Variants in DACH1 observed in about 807,000 individuals in gnomAD.
DACH1 encodes dachshund homolog 1.
DACH1 carries 12 observed loss-of-function variants against 54.2 expected under a neutral mutation model. The ratio of observed to expected loss-of-function variants is 0.22; its 90% CI spans 0.14 to 0.36. DACH1 has a LOEUF of 0.36. Among genes scored for constraint, DACH1 ranks in the 10% least tolerant of loss-of-function variants. The pLI, the probability that DACH1 is intolerant of heterozygous loss-of-function variation, is 1.00. For synonymous variants in DACH1, 386 were observed against 366.2 expected, an observed-to-expected ratio of 1.05 and a Z score of -0.62; for missense variants, 805 against 929.8, an observed-to-expected ratio of 0.87 and a Z score of 1.75.
intron 1 of DACH1, among the ~76,000 whole-genome samples, chr13:71,791,769 G>T (rs949564250): frequency 9.2e-5 from 14 of 152,148 alleles, no homozygotes; most frequent in African/African-American, 3.4e-4. Context: ...GGGCAATAAA[G>T]TTTCATCAAA....
intron 2 of DACH1, among the ~76,000 whole-genome samples, chr13:71,667,280 A>G (rs2138667697): frequency 6.6e-6 from 1 of 152,312 alleles, no homozygotes; most frequent in East Asian, 1.9e-4. Flanking sequence ...ATTAATGCAT[A>G]GAAACTCCAG....
intron 1 of DACH1, among the ~76,000 whole-genome samples, chr13:71,736,241 G>A (rs1245292837): frequency 3.3e-5 from 5 of 152,082 alleles, no homozygotes; most frequent in African/African-American, 1.2e-4. Context: ...ATATAGTCTA[G>A]GCTGTTTGTG....
intron 1 of DACH1, among the ~76,000 whole-genome samples, chr13:71,729,950 C>T (rs985602337): frequency 2.6e-5 from 4 of 151,916 alleles, no homozygotes; most frequent in African/African-American, 7.2e-5. Context: ...ACATTTATTG[C>T]GGCTCCACTC....
intron 2 of DACH1, among the ~76,000 whole-genome samples, chr13:71,678,204 C>T (rs1880684439): frequency 6.6e-6 from 1 of 151,990 alleles, no homozygotes; most frequent in South Asian, 2.1e-4. Context: ...AGTCATATTC[C>T]CCAAATACAC....
At chr13:71,676,383 A>G (rs1357109134) in intron 2 of DACH1, among the ~76,000 whole-genome samples, 1 of 152,062 alleles carries the variant, frequency 6.6e-6, no homozygotes, top group Non-Finnish European at 1.5e-5. Context: ...ATGCCCAGCT[A>G]ATTTTTGTAT....
At chr13:71,856,390 T>C (rs913315234) in intron 1 of DACH1, among the ~76,000 whole-genome samples, 1 of 151,962 alleles carries the variant, frequency 6.6e-6, no homozygotes, top group Non-Finnish European at 1.5e-5. Context: ...ACAGCAGACA[T>C]ATATTCATCT....
At chr13:71,628,353 T>C (rs1427839429) in intron 3 of DACH1, among the ~76,000 whole-genome samples, 1 of 152,048 alleles carries the variant, frequency 6.6e-6, no homozygotes, top group Non-Finnish European at 1.5e-5. Context: ...ATATTATAAA[T>C]TGGAAATTCT....
chr13:71,546,096 AAAGT>A, intron 6 of DACH1, among the ~76,000 whole-genome samples: 1 of 152,226 alleles, frequency 6.6e-6, no homozygotes, highest in East Asian at 1.9e-4. Context: ...CATTTTACTT[AAAGT>A]AATTTGGCTC....
chr13:71,596,812 T>C (rs543746727), intron 3 of DACH1, among the ~76,000 whole-genome samples: 50 of 152,280 alleles, frequency 3.3e-4, no homozygotes, highest in Non-Finnish European at 5.6e-4. Context: ...AAACAGCAAT[T>C]TGAATTTATA....
chr13:71,620,115 T>C (rs1876111376), intron 3 of DACH1, among the ~76,000 whole-genome samples: 1 of 151,966 alleles, frequency 6.6e-6, no homozygotes, highest in South Asian at 2.1e-4. Context: ...GTAAAGTGAA[T>C]ATCAGACTTA....
chr13:71,451,569 G>A (rs1350202114), intron 10 of DACH1, among the ~76,000 whole-genome samples: 1 of 152,150 alleles, frequency 6.6e-6, no homozygotes, highest in Non-Finnish European at 1.5e-5. Flanking sequence ...TACCTGACCT[G>A]AGCCTAAACA....
intron 1 of DACH1, among the ~76,000 whole-genome samples, chr13:71,798,427 AT>A (rs375287780): frequency 9.3e-4 from 139 of 149,438 alleles, no homozygotes; most frequent in African/African-American, 3.3e-3. Flanking sequence ...CTTAAGGTGC[AT>A]TCATACACCC....
At chr13:71,447,172 T>A (rs1874543474) in intron 10 of DACH1, among the ~76,000 whole-genome samples, 1 of 152,180 alleles carries the variant, frequency 6.6e-6, no homozygotes, top group Admixed American at 6.5e-5. Context: ...TTTGTTACTA[T>A]GCAGATTTAG....
intron 1 of DACH1, among the ~76,000 whole-genome samples, chr13:71,737,243 T>C (rs1370576530): frequency 6.6e-6 from 1 of 151,424 alleles, no homozygotes; most frequent in Non-Finnish European, 1.5e-5. Context: ...AAAAAAAAGT[T>C]GAAGGGAAAA....
intron 1 of DACH1, among the ~76,000 whole-genome samples, chr13:71,864,432 A>G (rs979138706): frequency 2.6e-5 from 4 of 152,030 alleles, no homozygotes; most frequent in Non-Finnish European, 5.9e-5. Context: ...TTTCAACCCA[A>G]TGTCCTTCTG....
chr13:71,840,394 T>C (rs1416983734), intron 1 of DACH1, among the ~76,000 whole-genome samples: 2 of 152,238 alleles, frequency 1.3e-5, no homozygotes, highest in African/African-American at 4.8e-5. Context: ...CAGTGATTTA[T>C]TGTTATCTAC....
intron 1 of DACH1, among the ~76,000 whole-genome samples, chr13:71,833,386 T>G (rs1888665669): frequency 6.6e-6 from 1 of 152,052 alleles, no homozygotes; most frequent in Non-Finnish European, 1.5e-5. Context: ...TAAATTTTGT[T>G]TGAAAGCATC....
At chr13:71,483,939 C>A (rs1878271263) in intron 7 of DACH1, among the ~76,000 whole-genome samples, 1 of 152,116 alleles carries the variant, frequency 6.6e-6, no homozygotes, top group South Asian at 2.1e-4. Context: ...TGTATAAGTG[C>A]ATTCTATGAT....
intron 1 of DACH1, among the ~76,000 whole-genome samples, chr13:71,762,318 G>C (rs1885433131): frequency 6.6e-6 from 1 of 152,076 alleles, no homozygotes; most frequent in Non-Finnish European, 1.5e-5. Flanking sequence ...CTGGGGACTA[G>C]GACATTTAGG....
Sources: allele counts gnomAD v4.1 joint callset (sites outside exome capture counted in the v4.1 genomes callset), GRCh38; gene constraint gnomAD v4.1.1; transcripts MANE v1.5; gene names NCBI Gene and HGNC (gene_info 2026-07-23, HGNC 2026-07-21).